Variants in ANKRD44 observed in about 807,000 individuals in gnomAD.
The protein encoded by ANKRD44 is serine/threonine-protein phosphatase 6 regulatory ankyrin repeat subunit B.
Under a neutral mutation model 116.0 loss-of-function variants are expected in ANKRD44, and 35 were observed. The ratio of observed to expected loss-of-function variants is 0.30; its 90% CI spans 0.23 to 0.40. ANKRD44 has a LOEUF of 0.40. Among genes scored for constraint, ANKRD44 ranks in the 10% least tolerant of loss-of-function variants. ANKRD44 has a pLI of 1.00. For synonymous variants in ANKRD44, 435 were observed against 461.8 expected (o/e 0.94, Z 0.74); for missense variants, 1,014 against 1,242.6 (o/e 0.82, Z 2.77).
chr2:197,101,261 ATAT>A (rs2125230591), intron 9 of ANKRD44, among the ~76,000 whole-genome samples: 1 of 151,480 alleles, frequency 6.6e-6, no homozygotes, highest in South Asian at 2.1e-4. Context: ...CATGTCGTTG[ATAT>A]TATTGGAGCC....
At chr2:197,084,713 T>C (rs149417952) in intron 13 of ANKRD44, among the ~76,000 whole-genome samples, 64 of 152,298 alleles carry the variant, frequency 4.2e-4, no homozygotes, top group African/African-American at 1.5e-3. Context: ...GTGTAAATCA[T>C]TTAGTTTCTC....
chr2:197,081,826 C>A (rs950892580), intron 14 of ANKRD44, 101 bp from the exon 15 acceptor site: 3 of 928,874 alleles, frequency 3.2e-6, no homozygotes, highest in Non-Finnish European at 5.0e-6. Flanking sequence ...GATTTTTACC[C>A]CAACCCAAAA....
At chr2:197,264,960 C>T (rs572517776) in intron 1 of ANKRD44, among the ~76,000 whole-genome samples, 7 of 152,174 alleles carry the variant, frequency 4.6e-5, no homozygotes, top group Non-Finnish European at 8.8e-5. Context: ...ATGGTCATTG[C>T]CATTTACAAA....
At chr2:197,247,102 C>T (rs769216050) in intron 1 of ANKRD44, among the ~76,000 whole-genome samples, 4 of 152,152 alleles carry the variant, frequency 2.6e-5, no homozygotes, top group Admixed American at 6.5e-5. Context: ...AATGTCCAGG[C>T]TAATGAACGA....
At chr2:197,206,425 T>C (rs1394164118) in intron 1 of ANKRD44, among the ~76,000 whole-genome samples, 1 of 152,306 alleles carries the variant, frequency 6.6e-6, no homozygotes, top group Admixed American at 6.5e-5. Flanking sequence ...GGCTCGTGCC[T>C]GTAATCCCAG....
At chr2:197,272,731 A>G (rs2082936747) in intron 1 of ANKRD44, among the ~76,000 whole-genome samples, 1 of 152,198 alleles carries the variant, frequency 6.6e-6, no homozygotes, top group African/African-American at 2.4e-5. Flanking sequence ...AGGACGCAGC[A>G]GGAAGACAGA....
intron 1 of ANKRD44, among the ~76,000 whole-genome samples, chr2:197,195,580 A>G (rs1337662847): frequency 1.3e-5 from 2 of 152,162 alleles, no homozygotes; most frequent in African/African-American, 4.8e-5. Flanking sequence ...TTGGCCCAGC[A>G]TCTTGGCCAC....
At chr2:197,009,894 T>C (rs185657529) in intron 18 of ANKRD44, among the ~76,000 whole-genome samples, 80 of 152,258 alleles carry the variant, frequency 5.3e-4, no homozygotes, top group Middle Eastern at 3.4e-3. Flanking sequence ...GTCATGGGAC[T>C]AATAATCTCT....
At position 197,143,337 on chromosome 2, in the gene ANKRD44, C is replaced by G. The variant is rs61106900; in HGVS notation, c.190+3690G>C. ...TTAGCATTAGATATATCTCCTAATG[C>G]TATCCCTCCCCCCTCCCCCCACCCC... On this transcript the variant is annotated intron_variant, in intron 3 of 27. Transcript: ENST00000282272. 7.8e-3 allele frequency among the ~76,000 whole-genome samples: 1,070 copies of G among 137,106 alleles called. 11 individuals are homozygous for G. Among genetic ancestry groups the G allele is most frequent in the African/African-American group, 0.026 (978 of 37,128 alleles). 89.9% of individuals were successfully genotyped at this position (137,106 alleles called of 152,430 possible).
chr2:197,199,565 A>G (rs920521256), intron 1 of ANKRD44, among the ~76,000 whole-genome samples: 1 of 152,194 alleles, frequency 6.6e-6, no homozygotes, highest in Non-Finnish European at 1.5e-5. Flanking sequence ...ATATGAGATT[A>G]TCGTTATTTA....
chr2:197,002,111 TTC>T (rs2076124898), intron 21 of ANKRD44, among the ~76,000 whole-genome samples: 1 of 152,306 alleles, frequency 6.6e-6, no homozygotes, highest in African/African-American at 2.4e-5. Flanking sequence ...GCAGAATATA[TTC>T]TGTTTTATTC....
chr2:197,155,398 T>C (rs767509522), intron 2 of ANKRD44, among the ~76,000 whole-genome samples: 1 of 152,034 alleles, frequency 6.6e-6, no homozygotes, highest in Non-Finnish European at 1.5e-5. Context: ...TGAAAGTTAT[T>C]CTCCATTATA....
intron 17 of ANKRD44, among the ~76,000 whole-genome samples, chr2:197,018,038 A>G (rs1189194840): frequency 6.6e-6 from 1 of 152,236 alleles, no homozygotes; most frequent in Non-Finnish European, 1.5e-5. Context: ...TGCCACTTTC[A>G]GGGCTCATCA....
intron 1 of ANKRD44, among the ~76,000 whole-genome samples, chr2:197,190,617 T>C (rs958320545): frequency 6.6e-6 from 1 of 152,226 alleles, no homozygotes; most frequent in Non-Finnish European, 1.5e-5. Context: ...TGTTTTATTT[T>C]TCCCCAGGTA....
intron 13 of ANKRD44, 57 bp downstream of exon 13, chr2:197,086,622 AG>A: frequency 6.6e-7 from 1 of 1,525,934 alleles, no homozygotes; most frequent in South Asian, 1.1e-5. Context: ...ATTACTACAT[AG>A]ACCACTCCCA....
Position 197,018,018 on chromosome 2 carries a change from G to A in ANKRD44, c.1723-4306C>T, listed in dbSNP as rs74358862. On this transcript the variant is annotated intron_variant, in intron 17 of 27. Coordinates refer to ENST00000282272, the MANE Select transcript of ANKRD44 (RefSeq NM_001195144.2). ...GAATCTGGCCTAATTCTCACAAAGTGCTGTATCAATGCCACTTTCAGGGCT... is the reference window on the plus strand; with the variant it reads ...GAATCTGGCCTAATTCTCACAAAGTACTGTATCAATGCCACTTTCAGGGCT... Among the ~76,000 whole-genome samples, 674 of 152,310 alleles carry A rather than the reference G, an allele frequency of 4.4e-3. 6 individuals are homozygous for A. Among genetic ancestry groups the A allele is most frequent in the African/African-American group, 0.016 (650 of 41,552 alleles).
At chr2:197,255,465 TAAC>T (rs1038762515) in intron 1 of ANKRD44, among the ~76,000 whole-genome samples, 10 of 152,198 alleles carry the variant, frequency 6.6e-5, no homozygotes, top group African/African-American at 2.4e-4. Context: ...AAAACCAAAT[TAAC>T]AACCGTGCAA....
At position 197,161,205 on chromosome 2, in the gene ANKRD44, A is replaced by G. The variant is rs117591565; in HGVS notation, c.112-14100T>C. On this transcript the variant is annotated intron_variant, in intron 2 of 27. Coordinates refer to ENST00000282272, the MANE Select transcript of ANKRD44 (RefSeq NM_001195144.2). ...TGACACGAGTGCTCCCAGAATTGGGAGATGGCTACGTAACAGCACTTTTCG... is the reference window on the plus strand; with the variant it reads ...TGACACGAGTGCTCCCAGAATTGGGGGATGGCTACGTAACAGCACTTTTCG... Among the ~76,000 whole-genome samples, 337 of 152,240 alleles carry G rather than the reference A, an allele frequency of 2.2e-3. 5 individuals carry two copies. Among genetic ancestry groups the G allele is most frequent in the Admixed American group, 0.019 (298 of 15,284 alleles).
intron 7 of ANKRD44, among the ~76,000 whole-genome samples, chr2:197,122,235 A>G (rs1321125409): frequency 6.6e-6 from 1 of 152,184 alleles, no homozygotes; most frequent in Non-Finnish European, 1.5e-5. Context: ...ACCAGCAGAA[A>G]GAGAAGGCAG....
Sources: allele counts gnomAD v4.1 joint callset (sites outside exome capture counted in the v4.1 genomes callset), GRCh38; gene constraint gnomAD v4.1.1; transcripts MANE v1.5; gene names NCBI Gene and HGNC (gene_info 2026-07-23, HGNC 2026-07-21).